Variants in ALK observed in about 807,000 individuals in gnomAD.
ALK encodes the protein ALK tyrosine kinase receptor.
A neutral mutation model predicts 163.1 loss-of-function variants in ALK; 74 were observed. The ratio of observed to expected loss-of-function variants is 0.45; its 90% confidence interval spans 0.38 to 0.55. ALK has a LOEUF of 0.55. Ranked by LOEUF, ALK falls within the 20% of genes least tolerant of loss-of-function variation. The pLI is 0.00. For missense variants in ALK, 2,063 were observed against 2,105.3 expected, an observed-to-expected ratio of 0.98 and a Z score of 0.39; for synonymous variants, 960 against 843.2, an observed-to-expected ratio of 1.14 and a Z score of -2.40.
At position 29,396,485 on chromosome 2, in the gene ALK, C is replaced by T. The variant is rs536564221; in HGVS notation, c.1155-12626G>A. Among the ~76,000 whole-genome samples the T allele has an allele frequency of 7.2e-5, 11 of 152,214 alleles. No individual in the cohort carries two copies. The South Asian group carries it at 2.1e-3, about 29-fold the overall frequency. On this transcript the variant is annotated intron_variant, in intron 4 of 28. Transcript: ENST00000389048. ...GGTCAGGAGTTCGAGACCAGCCTGACCAACATGGTGAAACCCTGTCTCTAC... is the reference window on the plus strand; with the variant it reads ...GGTCAGGAGTTCGAGACCAGCCTGATCAACATGGTGAAACCCTGTCTCTAC...
chr2:29,821,451 C>T (rs900352294), intron 1 of ALK, among the ~76,000 whole-genome samples: 3 of 152,142 alleles, frequency 2.0e-5, no homozygotes, highest in African/African-American at 7.2e-5. Context: ...TTGCACAGAT[C>T]GAAGTGAAGA....
chr2:29,653,381 G>C (rs1026938137), intron 3 of ALK, among the ~76,000 whole-genome samples: 1 of 152,000 alleles, frequency 6.6e-6, no homozygotes, highest in Non-Finnish European at 1.5e-5. Flanking sequence ...CTGTCTTTAG[G>C]TACATCACAT....
chr2:29,368,474 CA>C (rs1421940480), intron 5 of ALK, among the ~76,000 whole-genome samples: 12 of 152,080 alleles, frequency 7.9e-5, no homozygotes, highest in African/African-American at 2.9e-4. Context: ...ATAAAATTTT[CA>C]AAAATCCAAA....
chr2:29,426,628 A>G (rs1670141040), intron 4 of ALK, among the ~76,000 whole-genome samples: 1 of 152,186 alleles, frequency 6.6e-6, no homozygotes, highest in Non-Finnish European at 1.5e-5. Flanking sequence ...ACACCAGACA[A>G]TAATTAGACA....
At chr2:29,251,827 A>T (rs1664822929) in intron 11 of ALK, among the ~76,000 whole-genome samples, 1 of 152,192 alleles carries the variant, frequency 6.6e-6, no homozygotes, top group Admixed American at 6.5e-5. Flanking sequence ...AAGCTCGGTG[A>T]TGCTACATTG....
intron 4 of ALK, among the ~76,000 whole-genome samples, chr2:29,443,474 C>T (rs2148083985): frequency 6.6e-6 from 1 of 152,306 alleles, no homozygotes; most frequent in African/African-American, 2.4e-5. Context: ...CCGAGTCTTT[C>T]TTTGGTCTTT....
At chr2:29,389,031 T>C (rs1669097704) in intron 4 of ALK, among the ~76,000 whole-genome samples, 1 of 152,198 alleles carries the variant, frequency 6.6e-6, no homozygotes, top group African/African-American at 2.4e-5. Flanking sequence ...CTGTAGGACA[T>C]GAAAAGATGC....
chr2:29,506,884 G>A (rs1480652533), intron 4 of ALK, among the ~76,000 whole-genome samples: 1 of 152,208 alleles, frequency 6.6e-6, no homozygotes, highest in Non-Finnish European at 1.5e-5. Context: ...GAAAATATCA[G>A]TGAGGATGTA....
At chr2:29,361,850 T>C (rs1302539351) in intron 5 of ALK, among the ~76,000 whole-genome samples, 1 of 152,232 alleles carries the variant, frequency 6.6e-6, no homozygotes, top group Non-Finnish European at 1.5e-5. Flanking sequence ...AAGGCTTAAC[T>C]TGGTTTATGC....
chr2:29,378,601 T>C (rs1361278884), intron 5 of ALK, among the ~76,000 whole-genome samples: 1 of 152,166 alleles, frequency 6.6e-6, no homozygotes, highest in African/African-American at 2.4e-5. Context: ...TGAGTTAATA[T>C]ATGTACCATG....
intron 11 of ALK, 149 bp downstream of exon 11, chr2:29,274,950 G>T: frequency 9.4e-7 from 1 of 1,061,274 alleles, no homozygotes; most frequent in South Asian, 1.4e-5. Context: ...CTTCCCCTTG[G>T]ACCCCATAGT....
chr2:29,656,980 A>T (rs186407350), intron 3 of ALK, among the ~76,000 whole-genome samples: 1 of 152,320 alleles, frequency 6.6e-6, no homozygotes, highest in Non-Finnish European at 1.5e-5. Flanking sequence ...CCTCCTAGAA[A>T]GCACCCATGC....
chr2:29,432,558 T>C (rs191131973), intron 4 of ALK, among the ~76,000 whole-genome samples: 1 of 152,184 alleles, frequency 6.6e-6, no homozygotes, highest in Non-Finnish European at 1.5e-5. Flanking sequence ...CAGATTTGTA[T>C]GATAACGAGG....
intron 5 of ALK, among the ~76,000 whole-genome samples, chr2:29,376,245 G>A (rs1484738185): frequency 6.6e-6 from 1 of 152,132 alleles, no homozygotes; most frequent in Non-Finnish European, 1.5e-5. Context: ...GCCCCTCTCA[G>A]GTTTATTTTC....
At chr2:29,554,761 A>G (rs528205166) in intron 3 of ALK, among the ~76,000 whole-genome samples, 97 of 152,296 alleles carry the variant, frequency 6.4e-4, no homozygotes, top group African/African-American at 2.3e-3. Context: ...CAGGCATTCT[A>G]TGCCACAGGA....
chr2:29,405,515 G>A (rs1431851176), intron 4 of ALK, among the ~76,000 whole-genome samples: 1 of 152,186 alleles, frequency 6.6e-6, no homozygotes, highest in Non-Finnish European at 1.5e-5. Flanking sequence ...TCCCCACTTT[G>A]TGTTGAGTTC....
chr2:29,316,598 C>A (rs577953307), intron 8 of ALK, among the ~76,000 whole-genome samples: 2 of 152,190 alleles, frequency 1.3e-5, no homozygotes, highest in Admixed American at 6.5e-5. Flanking sequence ...AGACCAAATG[C>A]TCTTAAGGAT....
chr2:29,788,203 G>C (rs1181348076), intron 1 of ALK, among the ~76,000 whole-genome samples: 2 of 152,206 alleles, frequency 1.3e-5, no homozygotes, highest in Non-Finnish European at 2.9e-5. Flanking sequence ...GGAGCATAGT[G>C]ATAACTCGCT....
chr2:29,222,661 G>A (rs1304708229), intron 20 of ALK, 54 bp from the exon 21 acceptor site: 22 of 1,517,402 alleles, frequency 1.4e-5, no homozygotes, highest in African/African-American at 1.4e-4. Context: ...ACAATAATGA[G>A]GCAGCTGGGG....
Sources: gnomAD v4.1 joint callset for allele counts (sites outside exome capture counted in the v4.1 genomes callset) on GRCh38, gnomAD v4.1.1 for gene constraint, MANE v1.5 for transcripts, NCBI Gene and HGNC (gene_info 2026-07-23, HGNC 2026-07-21) for gene names.